Variants in ABLIM3 observed in about 807,000 individuals in gnomAD.
ABLIM3 encodes actin binding LIM protein family member 3.
Under a neutral mutation model 109.5 loss-of-function variants are expected in ABLIM3, and 61 were observed. The ratio of observed to expected loss-of-function variants is 0.56; its 90% CI spans 0.45 to 0.69. The LOEUF is 0.69. Among genes scored for constraint, ABLIM3 ranks in the 30% least tolerant of loss-of-function variants. ABLIM3 has a pLI of 0.00. For synonymous variants in ABLIM3, 300 were observed against 324.8 expected (o/e 0.92, Z 0.82); for missense variants, 796 against 889.5 (o/e 0.89, Z 1.34).
At chr5:149,176,633 G>A (rs1166862403) in intron 2 of ABLIM3, among the ~76,000 whole-genome samples, 1 of 152,062 alleles carries the variant, frequency 6.6e-6, no homozygotes, top group Non-Finnish European at 1.5e-5. Flanking sequence ...GAGTTACGAG[G>A]GCTCAATGAG....
intron 7 of ABLIM3, among the ~76,000 whole-genome samples, chr5:149,215,187 T>A (rs1428685120): frequency 6.6e-6 from 1 of 152,052 alleles, no homozygotes; most frequent in African/African-American, 2.4e-5. Context: ...GGAAAACAGG[T>A]CTATAATCAA....
At position 149,213,455 on chromosome 5, in the gene ABLIM3, G is replaced by A. The variant is rs80248999; in HGVS notation, c.669+2636G>A. Reference sequence around the variant, plus strand: ...AGCAGTGAAGGACTGCGTGGGCTGCGGAAAAGCTGTTGGATGTGGGAAAGG... The same window carrying A: ...AGCAGTGAAGGACTGCGTGGGCTGCAGAAAAGCTGTTGGATGTGGGAAAGG... On this transcript the variant is annotated intron_variant, in intron 7 of 23. Coordinates refer to ENST00000309868, the MANE Select transcript of ABLIM3 (RefSeq NM_014945.5). Among the ~76,000 whole-genome samples, 842 of 152,308 alleles carry A rather than the reference G, an allele frequency of 5.5e-3. 10 individuals carry two copies. The highest frequency in any genetic ancestry group is 0.019 in the African/African-American group (795 of 41,562).
At chr5:149,222,657 A>G (rs1226747579) in intron 8 of ABLIM3, among the ~76,000 whole-genome samples, 3 of 134,144 alleles carry the variant, frequency 2.2e-5, no homozygotes, top group African/African-American at 8.4e-5. Flanking sequence ...TCTATTTCAG[A>G]TTACTTTTTT....
chr5:149,176,016 G>A (rs1012464028), intron 2 of ABLIM3, among the ~76,000 whole-genome samples: 3 of 152,218 alleles, frequency 2.0e-5, no homozygotes, highest in Non-Finnish European at 4.4e-5. Context: ...CTCCTGGGAA[G>A]ACAGGCTGTG....
chr5:149,148,457 T>C (rs1753124921), intron 2 of ABLIM3, among the ~76,000 whole-genome samples: 1 of 152,192 alleles, frequency 6.6e-6, no homozygotes, highest in Non-Finnish European at 1.5e-5. Context: ...TGCCACTTTG[T>C]CTTCTGTAGG....
At chr5:149,199,865 T>G (rs1758335810) in intron 4 of ABLIM3, among the ~76,000 whole-genome samples, 1 of 152,196 alleles carries the variant, frequency 6.6e-6, no homozygotes, top group Non-Finnish European at 1.5e-5. Flanking sequence ...AGTAAAAGAT[T>G]ATTTACAGAC....
Position 149,200,070 on chromosome 5 carries a change from G to A in ABLIM3, c.336-246G>A, listed in dbSNP as rs80154566. On this transcript the variant is annotated intron_variant, in intron 4 of 23. Transcript: ENST00000309868. ...TCTCTACTTCTTACAGCCTAGACAA[G>A]TAAGGTCAGATAAGCATCATGATCT... is the stretch of plus-strand genomic sequence containing the variant. 0.011 allele frequency among the ~76,000 whole-genome samples: 1,617 copies of A among 152,312 alleles called. 64 individuals are homozygous for A. In the East Asian group the frequency reaches 0.12, roughly 12 times the overall value.
intron 8 of ABLIM3, among the ~76,000 whole-genome samples, chr5:149,226,527 T>C (rs955780874): frequency 6.6e-6 from 1 of 152,080 alleles, no homozygotes. Flanking sequence ...CGTAAGAGAA[T>C]GCCCTAGCTA....
intron 7 of ABLIM3, 147 bp downstream of exon 7, chr5:149,210,966 G>A: frequency 1.4e-6 from 1 of 710,930 alleles, no homozygotes; most frequent in Non-Finnish European, 2.4e-6. Flanking sequence ...ACCTTGAGCA[G>A]ATAACCTTGC....
intron 6 of ABLIM3, among the ~76,000 whole-genome samples, chr5:149,208,060 G>C (rs778109350): frequency 2.6e-5 from 4 of 152,254 alleles, no homozygotes; most frequent in African/African-American, 9.6e-5. Flanking sequence ...TGCTTCTGCT[G>C]TCAAGACCCT....
In ABLIM3 at chr5:149,259,051, G is replaced by C; in HGVS notation, c.*647G>C. The C allele has an allele frequency of 9.9e-7, 1 of 1,008,742 alleles. No homozygotes were observed. Among genetic ancestry groups the C allele is most frequent in the Non-Finnish European group, 1.2e-6 (1 of 843,948 alleles). 62.5% of individuals were successfully genotyped at this position (1,008,742 alleles called of 1,614,324 possible). On this transcript the variant is annotated 3_prime_UTR_variant, in exon 24 of 24. Coordinates refer to ENST00000309868, the MANE Select transcript of ABLIM3 (RefSeq NM_014945.5). ...TGCCCTGGATTGTAACCTCTCCCTT[G>C]TCCAAATCTAGGATTCCTGGTAGGA...
chr5:149,252,120 T>A lies in ABLIM3; in HGVS notation c.1850-81T>A, dbSNP rs1177635121. 3.3e-6 allele frequency: 5 copies of A among 1,528,950 alleles called. No individual in the cohort carries two copies. The African/African-American group carries it at 4.2e-5, about 13-fold the overall frequency. The allele number at this position is 1,528,950 out of a possible 1,614,324, so 94.7% of individuals were successfully genotyped here. On this transcript the variant is annotated intron_variant, in intron 21 of 23. Coordinates refer to ENST00000309868, the MANE Select transcript of ABLIM3 (RefSeq NM_014945.5). ...ATAGAGGCCAGACCCCCTGAGAGAG[T>A]AGGACAGAGGCCTGTGTAGTGATGC...
At chr5:149,213,622 G>T (rs1174554455) in intron 7 of ABLIM3, among the ~76,000 whole-genome samples, 1 of 152,164 alleles carries the variant, frequency 6.6e-6, no homozygotes, top group Non-Finnish European at 1.5e-5. Flanking sequence ...TTAGATTACA[G>T]ACAGGGCCAC....
At chr5:149,250,781 G>T (rs188054512) in intron 20 of ABLIM3, among the ~76,000 whole-genome samples, 1 of 152,160 alleles carries the variant, frequency 6.6e-6, no homozygotes, top group South Asian at 2.1e-4. Flanking sequence ...AATTTGTTTT[G>T]CCTTCACAAC....
chr5:149,195,902 C>T (rs1757923322), intron 3 of ABLIM3, among the ~76,000 whole-genome samples: 1 of 152,230 alleles, frequency 6.6e-6, no homozygotes, highest in Non-Finnish European at 1.5e-5. Flanking sequence ...AAGCAATGCT[C>T]CACACTGAGT....
At chr5:149,142,133 C>T in intron 2 of ABLIM3, 25 bp downstream of exon 2, 1 of 1,612,918 alleles carries the variant, frequency 6.2e-7, no homozygotes, top group South Asian at 1.1e-5. Context: ...CTCTCCTTTG[C>T]CATGGGAACA....
At chr5:149,249,387 A>G (rs1362793999) in intron 18 of ABLIM3, among the ~76,000 whole-genome samples, 1 of 152,232 alleles carries the variant, frequency 6.6e-6, no homozygotes, top group Non-Finnish European at 1.5e-5. Flanking sequence ...CAGATGAGAA[A>G]ACCAAAGCGT....
rs58160476 is a variant in ABLIM3 at position 149,214,985 on chromosome 5, T to C, written c.670-1974T>C. ...AATAGACAAAATGGTTCATCTCAGC[T>C]AGCTGACGTGGCTTTTCCTTACTCT... On this transcript the variant is annotated intron_variant, in intron 7 of 23. Coordinates refer to ENST00000309868, the MANE Select transcript of ABLIM3 (RefSeq NM_014945.5). Among the ~76,000 whole-genome samples, 750 of 152,344 alleles carry C rather than the reference T, an allele frequency of 4.9e-3. 3 individuals carry two copies. Among genetic ancestry groups the C allele is most frequent in the African/African-American group, 0.017 (708 of 41,566 alleles).
chr5:149,221,995 T>C (rs958919262), intron 8 of ABLIM3, among the ~76,000 whole-genome samples: 4 of 152,216 alleles, frequency 2.6e-5, no homozygotes, highest in Non-Finnish European at 4.4e-5. Context: ...CATTTGTATA[T>C]TTAACTAAAA....
Sources: allele counts gnomAD v4.1 joint callset (sites outside exome capture counted in the v4.1 genomes callset), GRCh38; gene constraint gnomAD v4.1.1; transcripts MANE v1.5; gene names NCBI Gene and HGNC (gene_info 2026-07-23, HGNC 2026-07-21).